Variants in NELL1 observed in about 807,000 individuals in gnomAD.
The protein encoded by NELL1 is protein kinase C-binding protein NELL1.
NELL1 carries 76 observed loss-of-function variants against 107.4 expected under a neutral mutation model. That is an observed-to-expected ratio of 0.71 (90% confidence interval 0.59 to 0.86). The LOEUF is 0.86. Among genes scored for constraint, NELL1 ranks in the 40% least tolerant of loss-of-function variants. The pLI is 0.00. For synonymous variants in NELL1, 353 were observed against 341.2 expected (o/e 1.03, Z -0.38); for missense variants, 1,024 against 1,005.5 (o/e 1.02, Z -0.25).
At chr11:20,875,958 A>G (rs1849296643) in intron 4 of NELL1, among the ~76,000 whole-genome samples, 1 of 152,136 alleles carries the variant, frequency 6.6e-6, no homozygotes, top group Non-Finnish European at 1.5e-5. Context: ...CTCTGAGAAG[A>G]CCTCTCTCCT....
rs542452785 is a variant in NELL1, at chr11:20,842,570, T to A, written c.336-5013T>A. ...GAACTGTTTTGTCCTCTGACTCTGA[T>A]GTGATCATGCCACTGTACCTAGTGA... is the stretch of plus-strand genomic sequence containing the variant. On this transcript the variant is annotated intron_variant, in intron 3 of 19. Coordinates refer to ENST00000357134, the MANE Select transcript of NELL1 (RefSeq NM_006157.5). 9.1e-4 allele frequency among the ~76,000 whole-genome samples: 138 copies of A among 152,284 alleles called. 2 individuals carry two copies. Among genetic ancestry groups the A allele is most frequent in the African/African-American group, 3.2e-3 (132 of 41,562 alleles).
At chr11:21,321,506 G>A (rs913287860) in intron 14 of NELL1, among the ~76,000 whole-genome samples, 8 of 152,092 alleles carry the variant, frequency 5.3e-5, no homozygotes, top group Non-Finnish European at 1.0e-4. Flanking sequence ...AAAAATAAGA[G>A]TTCTACTGGT....
chr11:20,709,345 C>G (rs1050389581), intron 2 of NELL1, among the ~76,000 whole-genome samples: 6 of 152,058 alleles, frequency 3.9e-5, no homozygotes, highest in Non-Finnish European at 7.4e-5. Flanking sequence ...GATTAGTTGG[C>G]TGTAAGTATT....
chr11:20,707,136 G>T (rs955734803), intron 2 of NELL1, among the ~76,000 whole-genome samples: 1 of 152,124 alleles, frequency 6.6e-6, no homozygotes, highest in Non-Finnish European at 1.5e-5. Context: ...GATACCCTTT[G>T]TTCCACTTGG....
chr11:20,697,534 G>A (rs1450218452), intron 2 of NELL1, among the ~76,000 whole-genome samples: 1 of 151,962 alleles, frequency 6.6e-6, no homozygotes, highest in Non-Finnish European at 1.5e-5. Flanking sequence ...TAATGTAGCT[G>A]CTTCCAGGGG....
At chr11:20,757,118 C>A (rs1251839131) in intron 2 of NELL1, among the ~76,000 whole-genome samples, 1 of 151,356 alleles carries the variant, frequency 6.6e-6, no homozygotes, top group African/African-American at 2.4e-5. Context: ...TCCTTTCTTT[C>A]TTCCCCTTTC....
At chr11:20,999,199 T>C (rs566301210) in intron 12 of NELL1, among the ~76,000 whole-genome samples, 8 of 152,306 alleles carry the variant, frequency 5.3e-5, no homozygotes, top group African/African-American at 1.9e-4. Context: ...CAGAATTCTG[T>C]ACGTAAAAGA....
At chr11:21,241,867 C>A (rs1213847658) in intron 14 of NELL1, among the ~76,000 whole-genome samples, 5 of 150,860 alleles carry the variant, frequency 3.3e-5, no homozygotes, top group African/African-American at 1.2e-4. Flanking sequence ...TAAAACACAG[C>A]CATCTTCTGG....
intron 14 of NELL1, among the ~76,000 whole-genome samples, chr11:21,279,442 A>G (rs117703198): frequency 0.019 from 2,880 of 152,292 alleles, 40 homozygotes; most frequent in Non-Finnish European, 0.03. Context: ...CAACCTGATT[A>G]AAAAATGGGC....
At chr11:21,514,140 A>AT (rs1855502472) in intron 15 of NELL1, among the ~76,000 whole-genome samples, 1 of 152,238 alleles carries the variant, frequency 6.6e-6, no homozygotes, top group Admixed American at 6.5e-5. Flanking sequence ...TCAAAGCAAG[A>AT]TTTTCAGAAT....
chr11:21,452,578 T>C (rs542889744), intron 15 of NELL1, among the ~76,000 whole-genome samples: 68 of 152,192 alleles, frequency 4.5e-4, no homozygotes, highest in African/African-American at 1.6e-3. Context: ...TGTCTAGAAG[T>C]TTATTAATTT....
intron 12 of NELL1, among the ~76,000 whole-genome samples, chr11:20,981,532 C>G (rs976422264): frequency 6.6e-6 from 1 of 152,050 alleles, no homozygotes; most frequent in Admixed American, 6.6e-5. Flanking sequence ...TTAACAGTGC[C>G]CACTATGCAC....
chr11:21,498,599 T>C (rs1855050528), intron 15 of NELL1, among the ~76,000 whole-genome samples: 2 of 151,896 alleles, frequency 1.3e-5, no homozygotes, highest in African/African-American at 4.8e-5. Context: ...TTAATACAAA[T>C]AATGTCTCAA....
In NELL1 at chr11:21,274,842, G is replaced by T. The variant is rs568068177; in HGVS notation, c.1549+45388G>T. On this transcript the variant is annotated intron_variant, in intron 14 of 19. Transcript: ENST00000357134. ...TGAAGGCAGAAATAAAGATGTTCTT[G>T]GAAACCAGTGAGAACAAAGACACAA... 9.9e-5 allele frequency among the ~76,000 whole-genome samples: 15 copies of T among 152,168 alleles called. No homozygotes were observed. In the South Asian group the frequency reaches 2.1e-3, roughly 21 times the overall value.
chr11:20,842,874 C>A (rs1233528068), intron 3 of NELL1, among the ~76,000 whole-genome samples: 3 of 151,920 alleles, frequency 2.0e-5, no homozygotes, highest in South Asian at 2.1e-4. Flanking sequence ...AATATACAGA[C>A]CTAAAGGCAG....
intron 14 of NELL1, among the ~76,000 whole-genome samples, chr11:21,280,713 C>T (rs1047584373): frequency 4.6e-5 from 7 of 152,068 alleles, no homozygotes; most frequent in African/African-American, 7.2e-5. Flanking sequence ...CTCAGCAAAG[C>T]GGGCTAAAAT....
intron 2 of NELL1, among the ~76,000 whole-genome samples, chr11:20,746,484 G>A (rs890595366): frequency 4.6e-5 from 7 of 151,926 alleles, no homozygotes; most frequent in African/African-American, 1.7e-4. Context: ...CACATATGTA[G>A]AAAAGCATCG....
At chr11:20,884,100 G>A (rs1849459850) in intron 4 of NELL1, among the ~76,000 whole-genome samples, 1 of 152,210 alleles carries the variant, frequency 6.6e-6, no homozygotes, top group Non-Finnish European at 1.5e-5. Context: ...AGCTTTGCCA[G>A]CTGAAAACCT....
At position 20,748,099 on chromosome 11, in the gene NELL1, A is replaced by G. The variant is rs149093928; in HGVS notation, c.185-35581A>G. ...AGTTCAGATGCAAAACCTTCATTCT[A>G]TAGCCAAAATTTTTGTCCTCTTGCT... On this transcript the variant is annotated intron_variant, in intron 2 of 19. Coordinates refer to ENST00000357134, the MANE Select transcript of NELL1 (RefSeq NM_006157.5). 6.7e-3 allele frequency among the ~76,000 whole-genome samples: 1,019 copies of G among 152,286 alleles called. 7 individuals are homozygous for G. Among genetic ancestry groups the G allele is most frequent in the African/African-American group, 0.024 (981 of 41,570 alleles).
Sources: gnomAD v4.1 joint callset for allele counts (sites outside exome capture counted in the v4.1 genomes callset) on GRCh38, gnomAD v4.1.1 for gene constraint, MANE v1.5 for transcripts, NCBI Gene and HGNC (gene_info 2026-07-23, HGNC 2026-07-21) for gene names.